The following ARFGEF1 variants were observed in gnomAD, a reference collection of about 807,000 sequenced individuals.
ARFGEF1 encodes brefeldin A-inhibited guanine nucleotide-exchange protein 1.
A neutral mutation model predicts 231.0 loss-of-function variants in ARFGEF1; 42 were observed. The observed-to-expected ratio is 0.18, with a 90% confidence interval of 0.14 to 0.24. The LOEUF is 0.24. Among genes scored for constraint, ARFGEF1 ranks in the 10% least tolerant of loss-of-function variants. The probability of loss-of-function intolerance (pLI) is 1.00; values close to 1 mark genes in which losing one functional copy is unlikely to be tolerated. For synonymous variants in ARFGEF1, 710 were observed against 732.3 expected, an observed-to-expected ratio of 0.97 and a Z score of 0.49; for missense variants, 1,345 against 2,192.0, an observed-to-expected ratio of 0.61 and a Z score of 7.72.
chr8:67,298,727 A>G (rs1806348392), intron 4 of ARFGEF1, among the ~76,000 whole-genome samples: 1 of 152,202 alleles, frequency 6.6e-6, no homozygotes, highest in Non-Finnish European at 1.5e-5. Context: ...ATACAACATT[A>G]AAATCCCCTA....
intron 1 of ARFGEF1, among the ~76,000 whole-genome samples, chr8:67,332,403 A>G (rs1380775713): frequency 6.6e-6 from 1 of 152,216 alleles, no homozygotes; most frequent in Admixed American, 6.5e-5. Context: ...AATCCCTGGG[A>G]GGTGTTACAG....
chr8:67,247,506 T>G (rs1840143858), intron 19 of ARFGEF1, among the ~76,000 whole-genome samples: 1 of 150,408 alleles, frequency 6.6e-6, no homozygotes, highest in East Asian at 1.9e-4. Flanking sequence ...TCATTTCAAT[T>G]GATTGAAAAA....
chr8:67,269,343 C>A (rs531523354), intron 10 of ARFGEF1, among the ~76,000 whole-genome samples: 1 of 148,820 alleles, frequency 6.7e-6, no homozygotes, highest in Non-Finnish European at 1.5e-5. Context: ...GCTTTCTCCA[C>A]GTTCAGCTTT....
chr8:67,213,131 G>A (rs960029331), intron 33 of ARFGEF1, among the ~76,000 whole-genome samples: 5 of 152,188 alleles, frequency 3.3e-5, no homozygotes, highest in African/African-American at 1.2e-4. Context: ...AGATGTCACA[G>A]TTCTCAAGGG....
At chr8:67,231,377 G>T (rs1163241116) in intron 23 of ARFGEF1, among the ~76,000 whole-genome samples, 1 of 152,078 alleles carries the variant, frequency 6.6e-6, no homozygotes, top group Non-Finnish European at 1.5e-5. Context: ...GCGATGACAA[G>T]ATTGTGATGA....
chr8:67,216,428 C>T (rs1249428613), intron 33 of ARFGEF1, among the ~76,000 whole-genome samples, 162 bp downstream of exon 33: 4 of 151,378 alleles, frequency 2.6e-5, no homozygotes, highest in Admixed American at 1.3e-4. Flanking sequence ...TCCCAGCCTT[C>T]GTAATTGTAA....
rs1808736099 is a variant in ARFGEF1 at position 67,343,186 on chromosome 8, G to A, written c.102C>T (p.Arg34=). ...EVKKAHHSQL[R]KACEVALEEI... ...CACCTAACGCCACCTCGCAAGCTTT[G>A]CGCAGCTGGGAGTGATGCGCCTTCT... The change falls in exon 1 of 39, where the codon CGC becomes CGT. Residue 34 remains arginine, a synonymous_variant. Coordinates refer to ENST00000262215, the MANE Select transcript of ARFGEF1 (RefSeq NM_006421.5). The A allele has an allele frequency of 6.3e-7, 1 of 1,595,002 alleles. No individual in the cohort carries two copies. Among genetic ancestry groups the A allele is most frequent in the Non-Finnish European group, 8.5e-7 (1 of 1,169,624 alleles).
chr8:67,185,685 G>A (rs1184826617), intron 5 of ARFGEF1, among the ~76,000 whole-genome samples: 1 of 152,162 alleles, frequency 6.6e-6, no homozygotes, highest in Non-Finnish European at 1.5e-5. Context: ...ACCCCTGGAG[G>A]TGGTAGCAAG....
chr8:67,184,045 G>T (rs936109602), intron 5 of ARFGEF1, among the ~76,000 whole-genome samples: 1 of 151,966 alleles, frequency 6.6e-6, no homozygotes, highest in African/African-American at 2.4e-5. Context: ...TAGAGACGGG[G>T]TTTCACCGTG....
At chr8:67,203,658 G>A (rs112815231) in intron 35 of ARFGEF1, among the ~76,000 whole-genome samples, 2,341 of 152,332 alleles carry the variant, frequency 0.015, 42 homozygotes, top group Non-Finnish European at 0.02. Context: ...CAGCGGGCTC[G>A]GTGCTAGCCC....
chr8:67,315,356 A>G (rs1395552176), intron 1 of ARFGEF1, among the ~76,000 whole-genome samples: 1 of 152,216 alleles, frequency 6.6e-6, no homozygotes, highest in African/African-American at 2.4e-5. Flanking sequence ...TACTAGACAA[A>G]AAAAATCACT....
chr8:67,285,589 G>A (rs562296993), intron 7 of ARFGEF1, among the ~76,000 whole-genome samples: 4 of 152,034 alleles, frequency 2.6e-5, no homozygotes, highest in African/African-American at 4.8e-5. Context: ...TATCACCTCA[G>A]ATTGGCTATT....
At chr8:67,293,926 A>T (rs1414117747) in intron 5 of ARFGEF1, among the ~76,000 whole-genome samples, 2 of 152,164 alleles carry the variant, frequency 1.3e-5, no homozygotes, top group Non-Finnish European at 2.9e-5. Flanking sequence ...AATGTTTTAC[A>T]TACCTAAAAA....
intron 6 of ARFGEF1, 88 bp from the exon 7 acceptor site, chr8:67,288,153 C>G (rs1239980358): frequency 1.7e-5 from 12 of 714,702 alleles, no homozygotes; most frequent in Middle Eastern, 3.3e-4. Flanking sequence ...ACTCCTAAAT[C>G]ATGAGGAATA....
intron 34 of ARFGEF1, among the ~76,000 whole-genome samples, chr8:67,211,043 CAAA>C (rs112619283): frequency 2.3e-5 from 2 of 87,966 alleles, no homozygotes; most frequent in Non-Finnish European, 4.6e-5. Context: ...GACTCCGTCT[CAAA>C]AAAAAAAAAA....
intron 1 of ARFGEF1, among the ~76,000 whole-genome samples, chr8:67,327,285 T>C (rs1807876761): frequency 1.3e-5 from 2 of 152,108 alleles, no homozygotes; most frequent in Non-Finnish European, 2.9e-5. Flanking sequence ...GTAGAAGTTC[T>C]TCAGAAGCAT....
At chr8:67,304,978 CA>C (rs1359897441) in intron 1 of ARFGEF1, among the ~76,000 whole-genome samples, 1 of 151,980 alleles carries the variant, frequency 6.6e-6, no homozygotes, top group African/African-American at 2.4e-5. Flanking sequence ...GGAAAAAAGG[CA>C]AGGCAGGGGA....
At chr8:67,274,652 A>G (rs1805238490) in intron 9 of ARFGEF1, among the ~76,000 whole-genome samples, 1 of 152,070 alleles carries the variant, frequency 6.6e-6, no homozygotes, top group African/African-American at 2.4e-5. Context: ...CAGCATTTTA[A>G]AGAATTTCTT....
At chr8:67,329,895 A>C (rs1457681584) in intron 1 of ARFGEF1, among the ~76,000 whole-genome samples, 4 of 152,190 alleles carry the variant, frequency 2.6e-5, no homozygotes, top group African/African-American at 7.2e-5. Flanking sequence ...ACAAATGTTA[A>C]GGATAGAAAG....
Sources: gnomAD v4.1 joint callset for allele counts (sites outside exome capture counted in the v4.1 genomes callset) on GRCh38, gnomAD v4.1.1 for gene constraint, MANE v1.5 for transcripts, NCBI Gene and HGNC (gene_info 2026-07-23, HGNC 2026-07-21) for gene names.